Variants in ARID4A observed in about 807,000 individuals in gnomAD.
The protein encoded by ARID4A is AT-rich interactive domain-containing protein 4A.
A neutral mutation model predicts 148.6 loss-of-function variants in ARID4A; 39 were observed. The observed-to-expected ratio is 0.26, with a 90% confidence interval of 0.20 to 0.34. The LOEUF (loss-of-function observed/expected upper bound fraction) is 0.34. Among genes scored for constraint, ARID4A ranks in the 10% least tolerant of loss-of-function variants. The pLI is 1.00. For synonymous variants in ARID4A, 475 were observed against 481.2 expected (o/e 0.99, Z 0.17); for missense variants, 1,265 against 1,449.1 (o/e 0.87, Z 2.06).
chr14:58,359,325 A>T, intron 18 of ARID4A, 109 bp downstream of exon 18: 1 of 1,065,204 alleles, frequency 9.4e-7, no homozygotes, highest in South Asian at 1.7e-5. Flanking sequence ...CAAGATTGAG[A>T]GCAAGGTATA....
In ARID4A at chr14:58,339,843, G is replaced by GGA. The variant is rs35021584; in HGVS notation, c.907-4822_907-4821dup. Among the ~76,000 whole-genome samples the GGA allele has an allele frequency of 3.9e-3, 556 of 142,368 alleles. 5 individuals carry two copies. Among genetic ancestry groups the GGA allele is most frequent in the East Asian group, 0.011 (53 of 4,752 alleles). 93.4% of individuals were successfully genotyped at this position (142,368 alleles called of 152,430 possible). ...GCAAGCATATCTTCACGTGGCAACA[G>GGA]GAGAGAGAGAGAGAGAGAGAGAGAG... is the stretch of plus-strand genomic sequence containing the variant. On this transcript the variant is annotated intron_variant, in intron 11 of 23. Coordinates refer to ENST00000355431, the MANE Select transcript of ARID4A (RefSeq NM_002892.4).
At chr14:58,301,417 G>A (rs1298669799) in intron 2 of ARID4A, among the ~76,000 whole-genome samples, 163 bp from the exon 3 acceptor site, 1 of 152,068 alleles carries the variant, frequency 6.6e-6, no homozygotes, top group Non-Finnish European at 1.5e-5. Context: ...AAAATGAAAG[G>A]TTGCTAATCA....
intron 3 of ARID4A, 71 bp downstream of exon 3, chr14:58,301,761 A>C (rs1594857118): frequency 9.0e-7 from 1 of 1,113,340 alleles, no homozygotes; most frequent in East Asian, 2.5e-5. Context: ...AGAGACTGCA[A>C]ATCAGCATTT....
At chr14:58,311,973 T>C (rs2032074359) in intron 5 of ARID4A, among the ~76,000 whole-genome samples, 1 of 152,072 alleles carries the variant, frequency 6.6e-6, no homozygotes, top group African/African-American at 2.4e-5. Context: ...GGTTAAATGA[T>C]ACAAAATTTC....
At chr14:58,357,568 T>C (rs2034936484) in intron 17 of ARID4A, among the ~76,000 whole-genome samples, 1 of 151,874 alleles carries the variant, frequency 6.6e-6, no homozygotes, top group African/African-American at 2.4e-5. Context: ...CCAACACAAA[T>C]TCATAAACTT....
intron 5 of ARID4A, 64 bp from the exon 6 acceptor site, chr14:58,318,478 T>C (rs2032620966): frequency 6.9e-7 from 1 of 1,441,490 alleles, no homozygotes; most frequent in African/African-American, 1.4e-5. Context: ...AATAGCATTC[T>C]GTGCTTTTAA....
rs1372331035 is a variant in ARID4A at position 58,372,357 on chromosome 14, C to T, written c.*368C>T. 3.9e-6 allele frequency: 1 copy of T among 259,576 alleles called. No individual in the cohort carries two copies. The highest frequency in any genetic ancestry group is 2.2e-5 in the African/African-American group (1 of 45,562). 16.1% of individuals were successfully genotyped at this position (259,576 alleles called of 1,614,324 possible). A position where few individuals can be genotyped will look rare whatever the true frequency, so the allele number is the denominator to read the frequency against. On this transcript the variant is annotated 3_prime_UTR_variant, in exon 24 of 24. Coordinates refer to ENST00000355431, the MANE Select transcript of ARID4A (RefSeq NM_002892.4). Reference sequence around the variant, plus strand: ...CACATGATAAACATCAAAATATTACCCAGCTGAATAGTTACTGCTGCACTT... The same window carrying T: ...CACATGATAAACATCAAAATATTACTCAGCTGAATAGTTACTGCTGCACTT...
At chr14:58,365,487 T>TTTTGAAAA in intron 20 of ARID4A, 31 bp from the exon 21 acceptor site, 1 of 1,266,258 alleles carries the variant, frequency 7.9e-7, no homozygotes, top group Non-Finnish European at 1.1e-6. Flanking sequence ...TTTTTTTTTT[T>TTTTGAAAA]TTCAACATTC....
intron 10 of ARID4A, among the ~76,000 whole-genome samples, 196 bp from the exon 11 acceptor site, chr14:58,329,807 T>C (rs1278258387): frequency 6.6e-6 from 1 of 152,224 alleles, no homozygotes; most frequent in Non-Finnish European, 1.5e-5. Flanking sequence ...TTTACCATTG[T>C]CTCACAGTAT....
At chr14:58,361,718 C>T (rs990537906) in intron 19 of ARID4A, among the ~76,000 whole-genome samples, 15 of 152,218 alleles carry the variant, frequency 9.9e-5, no homozygotes, top group South Asian at 2.1e-4. Flanking sequence ...AAAGGTTACC[C>T]GTACACTAGC....
chr14:58,372,200 C>A lies in ARID4A; in HGVS notation c.*211C>A. The A allele has an allele frequency of 2.3e-6, 1 of 439,080 alleles. No homozygotes were observed. The highest frequency in any genetic ancestry group is 4.1e-6 in the Non-Finnish European group (1 of 246,774). 27.2% of individuals were successfully genotyped at this position (439,080 alleles called of 1,614,324 possible). On this transcript the variant is annotated 3_prime_UTR_variant, in exon 24 of 24. Transcript: ENST00000355431. Reference sequence around the variant, plus strand: ...TAATAAGTGAAGGTTAAGCAGCCTGCCATATTTGTCATAATTTTTCCTCTT... The same window carrying A: ...TAATAAGTGAAGGTTAAGCAGCCTGACATATTTGTCATAATTTTTCCTCTT...
rs148073912 is a variant in ARID4A, at chr14:58,327,393, T to C, written c.583-844T>C. 5.9e-5 allele frequency among the ~76,000 whole-genome samples: 9 copies of C among 152,324 alleles called. No homozygotes were observed. The East Asian group carries it at 1.7e-3, about 29-fold the overall frequency. ...GGATACAGAGAGTATTTACCAATTA[T>C]ATTGTTAAGATACTATTTTCAGAAG... On this transcript the variant is annotated intron_variant, in intron 8 of 23. Coordinates refer to ENST00000355431, the MANE Select transcript of ARID4A (RefSeq NM_002892.4).
At chr14:58,313,189 T>C (rs1436508184) in intron 5 of ARID4A, among the ~76,000 whole-genome samples, 1 of 152,194 alleles carries the variant, frequency 6.6e-6, no homozygotes, top group Non-Finnish European at 1.5e-5. Flanking sequence ...TATAGATAGA[T>C]GATAGATAGA....
intron 7 of ARID4A, among the ~76,000 whole-genome samples, chr14:58,319,377 C>T (rs989992637): frequency 5.3e-5 from 8 of 151,822 alleles, no homozygotes; most frequent in Admixed American, 1.3e-4. Flanking sequence ...TGAGCCACTG[C>T]GCCAGGCCCA....
intron 11 of ARID4A, among the ~76,000 whole-genome samples, chr14:58,337,242 T>TATATATATATATATATATATA (rs1566696601): frequency 6.6e-5 from 3 of 45,648 alleles, no homozygotes; most frequent in African/African-American, 1.8e-4. Flanking sequence ...AACCTTCTCT[T>TATATATATATATATATATATA]TATTTATATA....
intron 4 of ARID4A, 104 bp from the exon 5 acceptor site, chr14:58,305,915 TATC>T (rs2031564920): frequency 2.6e-6 from 2 of 764,412 alleles, no homozygotes; most frequent in Non-Finnish European, 4.6e-6. Flanking sequence ...AAGATAGAAT[TATC>T]ATAAGTATGG....
chr14:58,365,241 C>T lies in ARID4A; in HGVS notation c.3152C>T (p.Thr1051Ile), dbSNP rs1204009779. 6.2e-7 allele frequency: 1 copy of T among 1,614,008 alleles called. No individual in the cohort carries two copies. Among genetic ancestry groups the T allele is most frequent in the Non-Finnish European group, 8.5e-7 (1 of 1,179,954 alleles). The change falls in exon 20 of 24, where the codon ACT (threonine) becomes ATT (isoleucine). Residue 1051 changes from threonine to isoleucine, a missense_variant. Transcript: ENST00000355431. ...AGGGAATCGGCAAATGGATTTGAAA[C>T]TAATGTTGCCTCTGGTACCTGTAGT... ...CERESANGFE[T>I]NVASGTCSII...
In ARID4A at chr14:58,366,911, G is replaced by A. The variant is rs144766325; in HGVS notation, c.3552G>A (p.Glu1184=). 1.3e-6 allele frequency: 2 copies of A among 1,515,444 alleles called. No homozygotes were observed. Among genetic ancestry groups the A allele is most frequent in the African/African-American group, 1.5e-5 (1 of 68,734 alleles). 93.9% of individuals were successfully genotyped at this position (1,515,444 alleles called of 1,614,324 possible). A position where few individuals can be genotyped will look rare whatever the true frequency, so the allele number is the denominator to read the frequency against. The change falls in exon 23 of 24, where the codon GAG becomes GAA. Residue 1184 remains glutamate, a synonymous_variant. Transcript: ENST00000355431. ...LNELDNMNST[E]RISFLQEKLQ... ...AATTAGATAATATGAACAGTACAGA[G>A]AGAATCTCATTTCTCCAAGAAAAAC...
chr14:58,331,628 G>A (rs1594910147), intron 11 of ARID4A: 2 of 152,210 alleles, frequency 1.3e-5, no homozygotes, highest in Admixed American at 6.5e-5. Context: ...AGAACCAAGC[G>A]ATATTCTTTC....
Sources: gnomAD v4.1 joint callset for allele counts (sites outside exome capture counted in the v4.1 genomes callset) on GRCh38, gnomAD v4.1.1 for gene constraint, MANE v1.5 for transcripts, NCBI Gene and HGNC (gene_info 2026-07-23, HGNC 2026-07-21) for gene names.